The following CEP85L variants were observed in gnomAD, a reference collection of about 807,000 sequenced individuals.
CEP85L encodes centrosomal protein of 85 kDa-like.
Under a neutral mutation model 100.3 loss-of-function variants are expected in CEP85L, and 60 were observed. The observed-to-expected ratio is 0.60, with a 90% CI of 0.49 to 0.74. The LOEUF is 0.74. Ranked by LOEUF, CEP85L falls within the 30% of genes least tolerant of loss-of-function variation. The pLI is 0.00. For synonymous variants in CEP85L, 319 were observed against 322.7 expected (o/e 0.99, Z 0.12); for missense variants, 973 against 936.2 (o/e 1.04, Z -0.51).
intron 5 of CEP85L, among the ~76,000 whole-genome samples, chr6:118,494,561 C>T (rs563071578): frequency 9.2e-5 from 14 of 152,244 alleles, no homozygotes; most frequent in South Asian, 2.1e-4. Context: ...CCAACTCCAT[C>T]GCCCTCCTGC....
At position 118,566,282 on chromosome 6, in the gene CEP85L, C is replaced by T. The variant is rs1779501930; in HGVS notation, c.267G>A (p.Lys89=). The part of the protein sequence containing the change: ...HSTSSGTLSF[K]PSQSLITLPT... The stretch of plus-strand genomic sequence containing the variant: ...GAAGAGTAATCAATGATTGACTAGG[C>T]TTAAAAGATAATGTGCCACTTGAAG... The change falls in exon 3 of 13, where the codon AAG becomes AAA. Residue 89 remains lysine, a synonymous_variant. Transcript: ENST00000368491. 6.2e-7 allele frequency: 1 copy of T among 1,613,536 alleles called. No homozygotes were observed. The highest frequency in any genetic ancestry group is 1.3e-5 in the African/African-American group (1 of 74,858).
intron 3 of CEP85L, among the ~76,000 whole-genome samples, chr6:118,547,346 A>G (rs779598494): frequency 6.6e-6 from 1 of 152,186 alleles, no homozygotes; most frequent in Non-Finnish European, 1.5e-5. Flanking sequence ...TCATTTTTAT[A>G]GTAATTTTCA....
intron 1 of CEP85L, among the ~76,000 whole-genome samples, chr6:118,693,277 C>T (rs1777105015): frequency 6.6e-6 from 1 of 152,114 alleles, no homozygotes; most frequent in African/African-American, 2.4e-5. Flanking sequence ...ATTTTGTTTT[C>T]ATTGAGTCAA....
intron 10 of CEP85L, among the ~76,000 whole-genome samples, chr6:118,475,803 T>A (rs935109334): frequency 9.9e-5 from 15 of 152,200 alleles, no homozygotes; most frequent in Non-Finnish European, 2.1e-4. Context: ...ACTTGTTTTT[T>A]AAATTTAAAC....
At chr6:118,511,879 T>G (rs944042684) in intron 4 of CEP85L, among the ~76,000 whole-genome samples, 8 of 151,284 alleles carry the variant, frequency 5.3e-5, no homozygotes, top group Non-Finnish European at 1.2e-4. Flanking sequence ...TTTAAGAAAA[T>G]CCACATATAA....
chr6:118,566,853 T>C lies in CEP85L; in HGVS notation c.233-537A>G, dbSNP rs953671377. ...TAATAGAGTATATGGCCTTTCACCA[T>C]CTACTGTACTTACAGGTGAAAAGTG... On this transcript the variant is annotated intron_variant, in intron 2 of 12. Coordinates refer to ENST00000368491, the MANE Select transcript of CEP85L (RefSeq NM_001042475.3). 7.2e-5 allele frequency among the ~76,000 whole-genome samples: 11 copies of C among 152,350 alleles called. No individual in the cohort carries two copies. In the South Asian group the frequency reaches 8.3e-4, roughly 11 times the overall value.
At chr6:118,706,531 C>T (rs1276320522) in intron 1 of CEP85L, among the ~76,000 whole-genome samples, 3 of 152,160 alleles carry the variant, frequency 2.0e-5, no homozygotes, top group Non-Finnish European at 4.4e-5. Flanking sequence ...ATAATTTCAA[C>T]TTTTATCTTA....
intron 6 of CEP85L, among the ~76,000 whole-genome samples, chr6:118,488,643 C>CCCA (rs1345963257): frequency 6.6e-6 from 1 of 152,018 alleles, no homozygotes; most frequent in Non-Finnish European, 1.5e-5. Context: ...CTAAAAACTT[C>CCCA]CCAAATATGT....
At chr6:118,564,774 T>G (rs1373319859) in intron 3 of CEP85L, among the ~76,000 whole-genome samples, 1 of 152,186 alleles carries the variant, frequency 6.6e-6, no homozygotes, top group Non-Finnish European at 1.5e-5. Context: ...ATTCTGATGA[T>G]AAAAAACAGA....
At chr6:118,508,445 G>A (rs1206537111) in intron 5 of CEP85L, among the ~76,000 whole-genome samples, 1 of 152,010 alleles carries the variant, frequency 6.6e-6, no homozygotes, top group African/African-American at 2.4e-5. Context: ...ACAAAGTCCT[G>A]TTAACCACAG....
At chr6:118,698,126 A>T (rs1441263391) in intron 1 of CEP85L, among the ~76,000 whole-genome samples, 2 of 152,186 alleles carry the variant, frequency 1.3e-5, no homozygotes, top group Non-Finnish European at 2.9e-5. Flanking sequence ...CAAGAAAAGG[A>T]GCTGAAGGGC....
intron 1 of CEP85L, among the ~76,000 whole-genome samples, chr6:118,703,191 CT>C (rs929449268): frequency 5.9e-5 from 9 of 151,844 alleles, no homozygotes; most frequent in Non-Finnish European, 1.3e-4. Flanking sequence ...GTAGTTCTTT[CT>C]TTATTTTATT....
At chr6:118,518,972 C>T (rs1217116412) in intron 4 of CEP85L, among the ~76,000 whole-genome samples, 1 of 152,154 alleles carries the variant, frequency 6.6e-6, no homozygotes, top group Admixed American at 6.5e-5. Context: ...TTATTTCTGC[C>T]TTAATTTCAT....
intron 3 of CEP85L, among the ~76,000 whole-genome samples, chr6:118,536,059 G>C (rs1290461374): frequency 6.6e-6 from 1 of 151,998 alleles, no homozygotes; most frequent in Non-Finnish European, 1.5e-5. Flanking sequence ...AACAACAGTA[G>C]AAGCAAAAAG....
chr6:118,494,147 T>A (rs1314261234), intron 5 of CEP85L, among the ~76,000 whole-genome samples: 3 of 151,844 alleles, frequency 2.0e-5, no homozygotes, highest in African/African-American at 7.3e-5. Context: ...AGAGCCAGGG[T>A]GGGAAAATCT....
At chr6:118,549,380 C>T (rs186248883) in intron 3 of CEP85L, among the ~76,000 whole-genome samples, 193 of 151,842 alleles carry the variant, frequency 1.3e-3, no homozygotes, top group African/African-American at 4.4e-3. Context: ...TGTTACAATC[C>T]TCAATTTAGT....
intron 4 of CEP85L, among the ~76,000 whole-genome samples, chr6:118,514,172 A>G (rs1025212035): frequency 1.3e-5 from 2 of 152,206 alleles, no homozygotes; most frequent in African/African-American, 4.8e-5. Flanking sequence ...TTGTAAAAAA[A>G]TATTCAACTA....
rs116402376 is a variant in CEP85L at position 118,633,852 on chromosome 6, C to A, written c.74-1241G>T. On this transcript the variant is annotated intron_variant, in intron 1 of 12. Transcript: ENST00000368491. ...ACAGTAAGTCTCAATTCAGGGCTTA[C>A]AGAATTATTCATAAAAGTTAAGAAG... 2.0e-3 allele frequency among the ~76,000 whole-genome samples: 309 copies of A among 152,358 alleles called. 1 individual carries two copies. The highest frequency in any genetic ancestry group is 6.9e-3 in the African/African-American group (285 of 41,582).
intron 12 of CEP85L, among the ~76,000 whole-genome samples, chr6:118,468,296 G>A (rs569056788): frequency 2.0e-5 from 3 of 152,290 alleles, no homozygotes; most frequent in African/African-American, 4.8e-5. Flanking sequence ...AACAAAACCA[G>A]TATTATTAAC....
Sources: allele counts gnomAD v4.1 joint callset (sites outside exome capture counted in the v4.1 genomes callset), GRCh38; gene constraint gnomAD v4.1.1; transcripts MANE v1.5; gene names NCBI Gene and HGNC (gene_info 2026-07-23, HGNC 2026-07-21).